Variants in CNBD1 observed in about 807,000 individuals in gnomAD.
CNBD1 encodes the protein cyclic nucleotide-binding domain-containing protein 1.
In CNBD1, 71 loss-of-function variants were observed where a neutral mutation model predicts 54.4. That is an observed-to-expected ratio of 1.30 (90% CI 1.08 to 1.59). The LOEUF (loss-of-function observed/expected upper bound fraction) is 1.59. Among genes scored for constraint, CNBD1 ranks in the 40% most tolerant of loss-of-function variants. CNBD1 has a pLI of 0.00. For synonymous variants in CNBD1, 182 were observed against 170.7 expected (o/e 1.07, Z -0.51); for missense variants, 659 against 518.0 (o/e 1.27, Z -2.64).
intron 4 of CNBD1, among the ~76,000 whole-genome samples, chr8:87,197,131 T>G (rs556383068): frequency 6.6e-6 from 1 of 152,356 alleles, no homozygotes; most frequent in South Asian, 2.1e-4. Context: ...GAGCTACTGT[T>G]AGTAATACCT....
At chr8:87,377,090 CTTATT>C (rs1218825740) in intron 10 of CNBD1, among the ~76,000 whole-genome samples, 1 of 123,892 alleles carries the variant, frequency 8.1e-6, no homozygotes, top group Non-Finnish European at 1.7e-5. Flanking sequence ...TATTTTATTT[CTTATT>C]TTTATTTTTC....
intron 2 of CNBD1, among the ~76,000 whole-genome samples, chr8:86,894,900 G>A (rs746493448): frequency 6.6e-6 from 1 of 152,078 alleles, no homozygotes; most frequent in Non-Finnish European, 1.5e-5. Flanking sequence ...CACACTTCTG[G>A]AGGCTGGGAA....
Position 87,315,612 on chromosome 8 carries a change from A to G in CNBD1, c.1042+28941A>G, listed in dbSNP as rs569784136. Among the ~76,000 whole-genome samples, 6 of 152,102 alleles carry G rather than the reference A, an allele frequency of 3.9e-5. No homozygotes were observed. The South Asian group carries it at 1.0e-3, about 26-fold the overall frequency. On this transcript the variant is annotated intron_variant, in intron 8 of 10. Coordinates refer to ENST00000518476, the MANE Select transcript of CNBD1 (RefSeq NM_173538.3). Reference sequence around the variant, plus strand: ...TTACCCCGAAGGATGGCATTAATCTATTCATGAGGGGTCAGCCCTCATGAC... The same window carrying G: ...TTACCCCGAAGGATGGCATTAATCTGTTCATGAGGGGTCAGCCCTCATGAC...
intron 4 of CNBD1, among the ~76,000 whole-genome samples, chr8:87,192,654 C>A (rs1208234638): frequency 3.3e-5 from 5 of 152,102 alleles, no homozygotes; most frequent in Non-Finnish European, 4.4e-5. Context: ...AGTGAGTAAC[C>A]AACTAATTAA....
At chr8:87,320,443 C>T (rs1045749100) in intron 8 of CNBD1, among the ~76,000 whole-genome samples, 3 of 152,060 alleles carry the variant, frequency 2.0e-5, no homozygotes, top group Non-Finnish European at 2.9e-5. Flanking sequence ...TCAATGGTTT[C>T]TGCAAACACA....
chr8:87,125,443 TA>T (rs1228386230), intron 4 of CNBD1, among the ~76,000 whole-genome samples: 1 of 151,790 alleles, frequency 6.6e-6, no homozygotes, highest in Non-Finnish European at 1.5e-5. Flanking sequence ...TATCGGCCAA[TA>T]AAACAGTATC....
At chr8:87,416,988 A>G (rs1412566481) in intron 2 of CNBD1, among the ~76,000 whole-genome samples, 1 of 152,100 alleles carries the variant, frequency 6.6e-6, no homozygotes, top group Non-Finnish European at 1.5e-5. Flanking sequence ...TGAATGTAAT[A>G]TCAAGTATTA....
intron 4 of CNBD1, among the ~76,000 whole-genome samples, chr8:87,094,231 C>G (rs1029464412): frequency 1.3e-5 from 2 of 152,170 alleles, no homozygotes; most frequent in South Asian, 2.1e-4. Context: ...TTTCTTCTCT[C>G]TTTCCCGTAG....
chr8:87,081,757 C>T (rs574534576), intron 4 of CNBD1, among the ~76,000 whole-genome samples: 45 of 152,078 alleles, frequency 3.0e-4, no homozygotes, highest in Middle Eastern at 3.4e-3. Flanking sequence ...CTGCCTGCCT[C>T]GGCCTCCCAA....
At chr8:87,426,321 A>C (rs935124236) in intron 2 of CNBD1, among the ~76,000 whole-genome samples, 1 of 152,206 alleles carries the variant, frequency 6.6e-6, no homozygotes, top group Non-Finnish European at 1.5e-5. Flanking sequence ...AGCTGTTCCT[A>C]TTCGGCCATC....
intron 4 of CNBD1, among the ~76,000 whole-genome samples, chr8:87,193,056 A>G (rs565073170): frequency 1.6e-4 from 24 of 152,320 alleles, no homozygotes; most frequent in African/African-American, 5.1e-4. Flanking sequence ...TTAAAATAAA[A>G]CAAAATAACC....
At chr8:86,872,690 C>CT (rs949237019) in intron 1 of CNBD1, among the ~76,000 whole-genome samples, 2 of 152,006 alleles carry the variant, frequency 1.3e-5, no homozygotes, top group Non-Finnish European at 2.9e-5. Context: ...GAGATATTGA[C>CT]TTTTTTTTGT....
intron 4 of CNBD1, among the ~76,000 whole-genome samples, chr8:87,003,186 G>A (rs1299395919): frequency 2.0e-5 from 3 of 152,146 alleles, no homozygotes; most frequent in African/African-American, 4.8e-5. Context: ...ATTATCTTTT[G>A]TAGATATGAA....
intron 6 of CNBD1, among the ~76,000 whole-genome samples, chr8:87,277,657 C>T (rs1040021073): frequency 1.3e-5 from 2 of 151,628 alleles, no homozygotes; most frequent in Non-Finnish European, 3.0e-5. Flanking sequence ...AAACCCAGAA[C>T]CAAAACACTG....
At chr8:87,335,526 C>T (rs1586024658) in intron 8 of CNBD1, among the ~76,000 whole-genome samples, 1 of 151,990 alleles carries the variant, frequency 6.6e-6, no homozygotes, top group Non-Finnish European at 1.5e-5. Context: ...AGGGTTTCCA[C>T]CTTTGCTTTT....
intron 4 of CNBD1, among the ~76,000 whole-genome samples, chr8:86,957,298 G>A (rs944836169): frequency 2.0e-5 from 3 of 151,934 alleles, no homozygotes; most frequent in Non-Finnish European, 2.9e-5. Flanking sequence ...TGTTTTTTTT[G>A]TTGTGTCTCT....
chr8:87,295,509 G>C (rs913000729), intron 8 of CNBD1, among the ~76,000 whole-genome samples: 2 of 151,844 alleles, frequency 1.3e-5, no homozygotes, highest in African/African-American at 2.4e-5. Flanking sequence ...AAGTAGATAA[G>C]ATAAAATTAA....
chr8:86,867,393 A>G (rs1464692899), intron 1 of CNBD1, among the ~76,000 whole-genome samples: 1 of 152,198 alleles, frequency 6.6e-6, no homozygotes, highest in African/African-American at 2.4e-5. Flanking sequence ...GATTTATAGT[A>G]TTGATTTGAA....
intron 5 of CNBD1, among the ~76,000 whole-genome samples, chr8:87,225,376 G>C (rs1485965677): frequency 1.3e-5 from 2 of 151,932 alleles, no homozygotes; most frequent in African/African-American, 4.8e-5. Flanking sequence ...TATTGGCTGT[G>C]GGTTTGTCAT....
Sources: allele counts gnomAD v4.1 joint callset (sites outside exome capture counted in the v4.1 genomes callset), GRCh38; gene constraint gnomAD v4.1.1; transcripts MANE v1.5; gene names NCBI Gene and HGNC (gene_info 2026-07-23, HGNC 2026-07-21).